The following FHIT variants were observed in gnomAD, a reference collection of about 807,000 sequenced individuals.
FHIT encodes the protein bis(5'-adenosyl)-triphosphatase.
Under a neutral mutation model 17.9 loss-of-function variants are expected in FHIT, and 19 were observed. The observed-to-expected ratio is 1.06, with a 90% confidence interval of 0.74 to 1.56. The LOEUF is 1.56. Ranked by LOEUF, FHIT falls within the 40% of genes most tolerant of loss-of-function variation. FHIT has a pLI of 0.00. For synonymous variants in FHIT, 81 were observed against 69.7 expected (o/e 1.16, Z -0.81); for missense variants, 248 against 189.2 (o/e 1.31, Z -1.82).
intron 8 of FHIT, among the ~76,000 whole-genome samples, chr3:59,804,843 C>T (rs780140959): frequency 6.6e-5 from 10 of 152,182 alleles, no homozygotes; most frequent in African/African-American, 1.7e-4. Flanking sequence ...AGCTGCCCCA[C>T]GGTAGAAAGT....
At chr3:60,130,784 G>GTATACACATATATATGTGTGT (rs148356992) in intron 5 of FHIT, among the ~76,000 whole-genome samples, 5 of 111,724 alleles carry the variant, frequency 4.5e-5, no homozygotes, top group Admixed American at 8.9e-5. Flanking sequence ...GTGTGTGTGT[G>GTATACACATATATATGTGTGT]GTGTGTATAT....
intron 5 of FHIT, among the ~76,000 whole-genome samples, chr3:60,463,656 T>A (rs1012681096): frequency 6.6e-6 from 1 of 152,310 alleles, no homozygotes; most frequent in East Asian, 1.9e-4. Flanking sequence ...TGCCAAGCTG[T>A]CCATGTGGGA....
intron 4 of FHIT, among the ~76,000 whole-genome samples, chr3:60,596,522 G>T (rs1553666532): frequency 6.6e-6 from 1 of 152,030 alleles, no homozygotes; most frequent in African/African-American, 2.4e-5. Flanking sequence ...ATCTCCTTCT[G>T]GATCTCCAAA....
chr3:60,844,952 C>A (rs1019289056), intron 3 of FHIT, among the ~76,000 whole-genome samples: 8 of 151,992 alleles, frequency 5.3e-5, no homozygotes, highest in Admixed American at 6.6e-5. Flanking sequence ...ATGTGATCTG[C>A]TGGATTTTTT....
chr3:60,002,341 G>A (rs1290565088), intron 7 of FHIT, among the ~76,000 whole-genome samples: 1 of 152,016 alleles, frequency 6.6e-6, no homozygotes, highest in South Asian at 2.1e-4. Context: ...CCCTCCTGAG[G>A]TTTTGGATTA....
At chr3:60,547,204 G>A (rs757533336) in intron 4 of FHIT, among the ~76,000 whole-genome samples, 5 of 152,156 alleles carry the variant, frequency 3.3e-5, no homozygotes, top group East Asian at 1.9e-4. Flanking sequence ...AAGACTAGAT[G>A]TACCAATATT....
intron 5 of FHIT, among the ~76,000 whole-genome samples, chr3:60,173,893 ATATATATATATATATATATATATGT>A (rs1701531421): frequency 2.9e-5 from 2 of 69,474 alleles, no homozygotes; most frequent in African/African-American, 1.4e-4. Context: ...TAATATATAT[ATATATATATATATATATATATATGT>A]TTTTTTTTTT....
At chr3:60,830,607 A>C (rs2106813977) in intron 3 of FHIT, among the ~76,000 whole-genome samples, 1 of 152,364 alleles carries the variant, frequency 6.6e-6, no homozygotes. Context: ...ATATATTTGT[A>C]ATTCTATATC....
chr3:60,426,645 C>A (rs181507959), intron 5 of FHIT, among the ~76,000 whole-genome samples: 2 of 152,238 alleles, frequency 1.3e-5, no homozygotes, highest in African/African-American at 4.8e-5. Flanking sequence ...CCCATTTCTC[C>A]TTAGTCAACA....
At chr3:61,229,821 T>A (rs2040055069) in intron 1 of FHIT, among the ~76,000 whole-genome samples, 1 of 152,190 alleles carries the variant, frequency 6.6e-6, no homozygotes, top group Admixed American at 6.5e-5. Flanking sequence ...CTCTCTCTAC[T>A]GGTAAATATA....
At chr3:60,409,145 T>C (rs1024108534) in intron 5 of FHIT, among the ~76,000 whole-genome samples, 17 of 152,218 alleles carry the variant, frequency 1.1e-4, no homozygotes, top group African/African-American at 4.1e-4. Flanking sequence ...TAGTGTATGT[T>C]ACAAAAGTAA....
At chr3:60,493,028 G>A (rs954897425) in intron 5 of FHIT, among the ~76,000 whole-genome samples, 3 of 152,224 alleles carry the variant, frequency 2.0e-5, no homozygotes, top group South Asian at 2.1e-4. Context: ...ATAAAACAGC[G>A]TAGAATTGAT....
intron 3 of FHIT, among the ~76,000 whole-genome samples, chr3:60,914,564 A>G (rs1312286553): frequency 6.6e-6 from 1 of 152,198 alleles, no homozygotes; most frequent in Non-Finnish European, 1.5e-5. Context: ...AACAGAATCA[A>G]GGAGCCAAGG....
intron 5 of FHIT, among the ~76,000 whole-genome samples, chr3:60,332,529 G>A (rs1335166518): frequency 6.6e-6 from 1 of 152,176 alleles, no homozygotes; most frequent in African/African-American, 2.4e-5. Context: ...CTTTTCCCCA[G>A]AGGGCTGTGG....
intron 5 of FHIT, among the ~76,000 whole-genome samples, chr3:60,300,779 G>C (rs552486224): frequency 6.6e-6 from 1 of 152,120 alleles, no homozygotes; most frequent in East Asian, 1.9e-4. Flanking sequence ...AGAAATATGG[G>C]AGGCATTTTG....
chr3:60,048,459 A>C (rs1010681255), intron 5 of FHIT, among the ~76,000 whole-genome samples: 2 of 152,156 alleles, frequency 1.3e-5, no homozygotes, highest in African/African-American at 4.8e-5. Context: ...TACAGGCGTG[A>C]GTCTCTACGA....
At position 60,400,244 on chromosome 3, in the gene FHIT, G is replaced by T. The variant is rs554288295; in HGVS notation, c.103+136616C>A. 3.9e-5 allele frequency among the ~76,000 whole-genome samples: 6 copies of T among 152,230 alleles called. No homozygotes were observed. In the South Asian group the frequency reaches 1.2e-3, roughly 32 times the overall value. On this transcript the variant is annotated intron_variant, in intron 5 of 9. Coordinates refer to ENST00000492590, the MANE Select transcript of FHIT (RefSeq NM_002012.4). Reference sequence around the variant, plus strand: ...TAGATACTATAGCAGGGTAAGAAATGGAAGCGGAGAGCACATCATGGAGAC... The same window carrying T: ...TAGATACTATAGCAGGGTAAGAAATTGAAGCGGAGAGCACATCATGGAGAC...
intron 2 of FHIT, among the ~76,000 whole-genome samples, chr3:61,048,275 T>C (rs2033890006): frequency 6.6e-6 from 1 of 151,902 alleles, no homozygotes; most frequent in Non-Finnish European, 1.5e-5. Context: ...TAAACAAATT[T>C]ACAAGAAAAA....
intron 7 of FHIT, among the ~76,000 whole-genome samples, chr3:59,944,829 C>T (rs193216179): frequency 6.6e-6 from 1 of 152,136 alleles, no homozygotes; most frequent in Non-Finnish European, 1.5e-5. Context: ...CCTTCAGCTC[C>T]ATAAATGTTG....
Sources: gnomAD v4.1 joint callset for allele counts (sites outside exome capture counted in the v4.1 genomes callset) on GRCh38, gnomAD v4.1.1 for gene constraint, MANE v1.5 for transcripts, NCBI Gene and HGNC (gene_info 2026-07-23, HGNC 2026-07-21) for gene names.